Variants in WEE2 observed in about 807,000 individuals in gnomAD.
WEE2 encodes wee1-like protein kinase 2.
WEE2 carries 50 observed loss-of-function variants against 60.1 expected under a neutral mutation model. The ratio of observed to expected loss-of-function variants is 0.83; its 90% confidence interval spans 0.66 to 1.05. WEE2 has a LOEUF of 1.05. Among genes scored for constraint, WEE2 ranks in the 50% least tolerant of loss-of-function variants. The probability of loss-of-function intolerance (pLI) is 0.00; values close to 1 mark genes in which losing one functional copy is unlikely to be tolerated. For synonymous variants in WEE2, 240 were observed against 241.0 expected (o/e 1.00, Z 0.04); for missense variants, 631 against 684.3 (o/e 0.92, Z 0.87).
rs1029469650 is a variant in WEE2, at chr7:141,729,670, A to T, written c.1675A>T (p.Thr559Ser). Residue 559 changes from threonine (T) to serine (S), a missense_variant, in exon 11 of 12, where the codon ACC becomes TCC. By Grantham distance (58) the Thr-to-Ser change is moderately conservative. Transcript: ENST00000397541. ...AAAGAGTGCAAGGTCTTCAAGCTTT[A>T]CCTGTGAGTAATCTTCCCCTTAAGA... ...GGKSARSSSF[T>S]SGEREPLH 3.7e-6 allele frequency: 6 copies of T among 1,609,326 alleles called. No individual in the cohort carries two copies. The highest frequency in any genetic ancestry group is 1.3e-5 in the African/African-American group (1 of 74,572).
intron 9 of WEE2, among the ~76,000 whole-genome samples, chr7:141,726,164 C>T (rs917965296): frequency 1.3e-5 from 2 of 152,150 alleles, no homozygotes; most frequent in African/African-American, 4.8e-5. Flanking sequence ...TTAATCATGT[C>T]AAGAAAAGTG....
intron 10 of WEE2, among the ~76,000 whole-genome samples, chr7:141,728,581 A>G (rs1799061913): frequency 6.6e-6 from 1 of 152,216 alleles, no homozygotes; most frequent in African/African-American, 2.4e-5. Flanking sequence ...GAAGCCAGCT[A>G]TGGAGACACA....
intron 1 of WEE2, 64 bp downstream of exon 1, chr7:141,709,164 T>C: frequency 7.3e-7 from 1 of 1,369,034 alleles, no homozygotes. Context: ...GTAGTTTAGC[T>C]GATAGAGTGG....
intron 3 of WEE2, 128 bp downstream of exon 3, chr7:141,716,395 C>A: frequency 1.2e-6 from 1 of 837,156 alleles, no homozygotes; most frequent in Non-Finnish European, 1.9e-6. Context: ...TTTTCTCCTT[C>A]CTCACCCTCC....
At chr7:141,716,148 C>A (rs1798790949) in intron 2 of WEE2, 74 bp from the exon 3 acceptor site, 1 of 1,285,752 alleles carries the variant, frequency 7.8e-7, no homozygotes, top group Non-Finnish European at 1.1e-6. Context: ...ACTCTTACAT[C>A]CCTAGAACCT....
At position 141,729,539 on chromosome 7, in the gene WEE2, G is replaced by GA; in HGVS notation, c.1545dup (p.Glu516ArgfsTer16). 6.2e-7 allele frequency: 1 copy of GA among 1,614,178 alleles called. No individual in the cohort carries two copies. Among genetic ancestry groups the GA allele is most frequent in the Non-Finnish European group, 8.5e-7 (1 of 1,180,026 alleles). On this transcript the variant is annotated frameshift_variant, in exon 11 of 12. Coordinates refer to ENST00000397541, the MANE Select transcript of WEE2 (RefSeq NM_001105558.1). LOFTEE classifies it high-confidence loss of function. ...TCTCCCTCGCACTTCAGGGAACTGA[G>GA]AGAAGCCCAGCAGGCCCAGTCACCC...
chr7:141,727,642 G>A, intron 10 of WEE2, 196 bp downstream of exon 10: 1 of 579,370 alleles, frequency 1.7e-6, no homozygotes, highest in South Asian at 3.6e-5. Context: ...TGATTAGGTT[G>A]CTTGAGAGAG....
intron 2 of WEE2, among the ~76,000 whole-genome samples, chr7:141,715,993 T>C (rs1431142549): frequency 1.3e-5 from 2 of 152,210 alleles, no homozygotes; most frequent in African/African-American, 4.8e-5. Context: ...TATTCTCTCT[T>C]CTGGGAAAGC....
At chr7:141,727,599 C>T (rs1017873582) in intron 10 of WEE2, 153 bp downstream of exon 10, 21 of 971,328 alleles carry the variant, frequency 2.2e-5, no homozygotes, top group African/African-American at 6.6e-5. Context: ...TGGCAGCATG[C>T]GGCTCTTTGT....
At chr7:141,714,531 TC>T in intron 2 of WEE2, 126 bp downstream of exon 2, 3 of 690,546 alleles carry the variant, frequency 4.3e-6, no homozygotes, top group African/African-American at 1.8e-5. Context: ...GCTTACATAT[TC>T]TCCCCTTCCT....
At chr7:141,714,850 T>C (rs1206308256) in intron 2 of WEE2, among the ~76,000 whole-genome samples, 4 of 152,186 alleles carry the variant, frequency 2.6e-5, no homozygotes, top group Non-Finnish European at 5.9e-5. Flanking sequence ...GATGGAAGAT[T>C]GGCTGAAGCA....
intron 2 of WEE2, among the ~76,000 whole-genome samples, chr7:141,715,343 T>C (rs1193997504): frequency 6.6e-6 from 1 of 152,198 alleles, no homozygotes; most frequent in Admixed American, 6.5e-5. Context: ...ATCCTGACAC[T>C]TTTGTAGCGT....
chr7:141,725,259 A>G (rs755402248), intron 9 of WEE2, 63 bp downstream of exon 9: 97 of 1,536,416 alleles, frequency 6.3e-5, no homozygotes, highest in Non-Finnish European at 7.9e-5. Flanking sequence ...GATGGCAACT[A>G]GTTGGGCAAA....
At chr7:141,725,839 C>T (rs774254819) in intron 9 of WEE2, among the ~76,000 whole-genome samples, 1 of 152,186 alleles carries the variant, frequency 6.6e-6, no homozygotes. Flanking sequence ...CTCCTTGACA[C>T]CTGTAGTCAC....
At chr7:141,720,391 C>T (rs1319429894) in intron 4 of WEE2, among the ~76,000 whole-genome samples, 1 of 151,984 alleles carries the variant, frequency 6.6e-6, no homozygotes, top group Non-Finnish European at 1.5e-5. Context: ...ATTTTCTATT[C>T]CATAAGGAAT....
intron 6 of WEE2, 76 bp downstream of exon 6, chr7:141,723,356 G>T: frequency 6.7e-7 from 1 of 1,489,846 alleles, no homozygotes; most frequent in Non-Finnish European, 9.1e-7. Flanking sequence ...AGGTCTGTAT[G>T]TCTATCAAGT....
At chr7:141,727,574 T>A in intron 10 of WEE2, 128 bp downstream of exon 10, 1 of 1,223,216 alleles carries the variant, frequency 8.2e-7, no homozygotes, top group Non-Finnish European at 1.1e-6. Context: ...CATAGGTCCC[T>A]GCCCACAAGG....
At chr7:141,718,984 G>T in intron 3 of WEE2, 88 bp from the exon 4 acceptor site, 1 of 1,316,274 alleles carries the variant, frequency 7.6e-7, no homozygotes, top group South Asian at 1.5e-5. Context: ...TGAAAACTTG[G>T]AGCAACTTAG....
chr7:141,722,958 A>G (rs896110429), intron 5 of WEE2, among the ~76,000 whole-genome samples, 176 bp from the exon 6 acceptor site: 8 of 152,220 alleles, frequency 5.3e-5, no homozygotes, highest in African/African-American at 1.7e-4. Context: ...TTCATGAGGA[A>G]TGTATTGATC....
Sources: allele counts gnomAD v4.1 joint callset (sites outside exome capture counted in the v4.1 genomes callset), GRCh38; gene constraint gnomAD v4.1.1; transcripts MANE v1.5; gene names NCBI Gene and HGNC (gene_info 2026-07-23, HGNC 2026-07-21).